Variants in HSPA13 observed in about 807,000 individuals in gnomAD.
The protein encoded by HSPA13 is heat shock protein family A (Hsp70) member 13, also known as heat shock 70 kDa protein 13.
In HSPA13, 29 loss-of-function variants were observed where a neutral mutation model predicts 38.8. The ratio of observed to expected loss-of-function variants is 0.75; its 90% CI spans 0.56 to 1.02. The LOEUF (loss-of-function observed/expected upper bound fraction) is 1.02. HSPA13 is among the 50% of genes least tolerant of loss of function. The pLI is 0.00. For synonymous variants in HSPA13, 192 were observed against 205.3 expected (o/e 0.94, Z 0.56); for missense variants, 451 against 560.9 (o/e 0.80, Z 1.98).
Position 14,373,008 on chromosome 21 carries a change from CAT to C in HSPA13, c.*607_*608del, listed in dbSNP as rs2123520751. Reference sequence around the variant, plus strand: ...ATAAAATAAATTCATCTATTAAACACATAAAACTCCTGGAGAATGCAGATTAC... The same window carrying C: ...ATAAAATAAATTCATCTATTAAACACAAAACTCCTGGAGAATGCAGATTAC... On this transcript the variant is annotated 3_prime_UTR_variant, in exon 5 of 5. Coordinates refer to ENST00000285667, the MANE Select transcript of HSPA13 (RefSeq NM_006948.5). The C allele has an allele frequency of 6.6e-6, 1 of 152,152 alleles. No homozygotes were observed. Among genetic ancestry groups the C allele is most frequent in the East Asian group, 1.9e-4 (1 of 5,198 alleles). 9.4% of individuals were successfully genotyped at this position (152,152 alleles called of 1,614,324 possible). A position where few individuals can be genotyped will look rare whatever the true frequency, so the allele number is the denominator to read the frequency against.
chr21:14,379,587 C>T (rs1195991358), intron 2 of HSPA13, among the ~76,000 whole-genome samples: 2 of 152,098 alleles, frequency 1.3e-5, no homozygotes, highest in Non-Finnish European at 2.9e-5. Context: ...CAATAAGTAA[C>T]GTACCCAAAG....
intron 1 of HSPA13, among the ~76,000 whole-genome samples, chr21:14,382,300 T>C (rs1401252781): frequency 6.6e-6 from 1 of 151,950 alleles, no homozygotes; most frequent in Admixed American, 6.6e-5. Context: ...GAATAGCAGA[T>C]GCCCAACAAA....
In HSPA13 at chr21:14,378,405, T is replaced by G; in HGVS notation, c.374A>C (p.Asn125Thr). Residue 125 changes from asparagine (N) to threonine (T), a missense_variant, in exon 3 of 5, where the codon AAC (asparagine) becomes ACC (threonine). Coordinates refer to ENST00000285667, the MANE Select transcript of HSPA13 (RefSeq NM_006948.5). ...AGAAAACTCAACCATTCCATTTTTG[T>G]TTAAAACCTGTGAATAGGATTTGCA... Reference protein sequence around the residue: ...EIGRYPFKVLNKNGMVEFSVT... With the variant: ...EIGRYPFKVLTKNGMVEFSVT... 1 of 1,612,136 alleles carries G rather than the reference T, an allele frequency of 6.2e-7. No homozygotes were observed.
At position 14,376,436 on chromosome 21, in the gene HSPA13, T is replaced by A. The variant is rs537302949; in HGVS notation, c.581-617A>T. Among the ~76,000 whole-genome samples the A allele has an allele frequency of 2.6e-5, 4 of 152,116 alleles. No individual in the cohort carries two copies. In the South Asian group the frequency reaches 8.3e-4, roughly 32 times the overall value. On this transcript the variant is annotated intron_variant, in intron 3 of 4. Coordinates refer to ENST00000285667, the MANE Select transcript of HSPA13 (RefSeq NM_006948.5). The stretch of plus-strand genomic sequence containing the variant: ...TCAAAAAATAAAAAAAAATAAAAAA[T>A]TTAATCATTATATACTATCACTAAG...
At chr21:14,375,465 T>C (rs1568722021) in intron 4 of HSPA13, among the ~76,000 whole-genome samples, 187 bp downstream of exon 4, 1 of 151,492 alleles carries the variant, frequency 6.6e-6, no homozygotes, top group Non-Finnish European at 1.5e-5. Flanking sequence ...CCCAAACCTC[T>C]TCAACTCTCC....
At chr21:14,382,318 T>C (rs1269147667) in intron 1 of HSPA13, among the ~76,000 whole-genome samples, 2 of 151,496 alleles carry the variant, frequency 1.3e-5, no homozygotes, top group African/African-American at 4.9e-5. Flanking sequence ...AAATACTAAT[T>C]TAAAAAAAAA....
intron 3 of HSPA13, among the ~76,000 whole-genome samples, chr21:14,376,759 T>C (rs1489568199): frequency 6.6e-6 from 1 of 152,240 alleles, no homozygotes; most frequent in Admixed American, 6.5e-5. Context: ...CCATCTCTTC[T>C]TCCTACAACA....
chr21:14,383,028 T>C (rs7281846), intron 1 of HSPA13, 67 bp downstream of exon 1: 1,020,900 of 1,570,312 alleles, frequency 0.65, 336,190 homozygotes, highest in Middle Eastern at 0.71. Context: ...CAACCACCCC[T>C]GCCCACTCTG....
chr21:14,378,196 TAC>T lies in HSPA13; in HGVS notation c.580+1_580+2del. On this transcript the variant is annotated splice_donor_variant, in intron 3 of 4. Transcript: ENST00000285667. LOFTEE classifies it high-confidence loss of function. ...AATGCATCTCAGTCAAGGGTACTGT[TAC>T]CTGCAAGGTTAGCAGCTTCAATTGT... 1 of 1,611,370 alleles carries T rather than the reference TAC, an allele frequency of 6.2e-7. No homozygotes were observed. The highest frequency in any genetic ancestry group is 8.5e-7 in the Non-Finnish European group (1 of 1,177,496).
At position 14,381,489 on chromosome 21, in the gene HSPA13, G is replaced by C; in HGVS notation, c.80C>G (p.Pro27Arg). The C allele has an allele frequency of 1.9e-6, 3 of 1,612,090 alleles. No homozygotes were observed. The highest frequency in any genetic ancestry group is 8.5e-7 in the Non-Finnish European group (1 of 1,178,292). ...LAGYLAQQYL[P>R]LPTPKVIGID... ...ACCAATCACTTTAGGAGTAGGCAAT[G>C]GTAAATACTGTTGTGCCAAATAGCC... The change falls in exon 2 of 5, where the codon CCA (proline) becomes CGA (arginine). Residue 27 changes from proline to arginine, a missense_variant. Physicochemically the swap from Pro to Arg is moderately radical, Grantham distance 103. Coordinates refer to ENST00000285667, the MANE Select transcript of HSPA13 (RefSeq NM_006948.5).
rs1982861627 is a variant in HSPA13, at chr21:14,372,990, A to G, written c.*627T>C. 1 of 152,236 alleles carries G rather than the reference A, an allele frequency of 6.6e-6. No homozygotes were observed. Among genetic ancestry groups the G allele is most frequent in the Non-Finnish European group, 1.5e-5 (1 of 68,036 alleles). 9.4% of individuals were successfully genotyped at this position (152,236 alleles called of 1,614,324 possible). A position where few individuals can be genotyped will look rare whatever the true frequency, so the allele number is the denominator to read the frequency against. On this transcript the variant is annotated 3_prime_UTR_variant, in exon 5 of 5. Transcript: ENST00000285667. ...ATTTGAATACCTTTAGAAATAAAAT[A>G]AATTCATCTATTAAACACATAAAAC...
rs190098331 is a variant in HSPA13, at chr21:14,375,128, G to A, written c.748+524C>T. ...CATTTCCTAGGGAAAAATACAATTA[G>A]ACTTTCTAAAGACATCTACTTTATA... On this transcript the variant is annotated intron_variant, in intron 4 of 4. Coordinates refer to ENST00000285667, the MANE Select transcript of HSPA13 (RefSeq NM_006948.5). Among the ~76,000 whole-genome samples the A allele has an allele frequency of 3.9e-4, 59 of 152,228 alleles. 1 individual carries two copies. The highest frequency in any genetic ancestry group is 3.1e-3 in the Admixed American group (48 of 15,296).
intron 3 of HSPA13, 145 bp from the exon 4 acceptor site, chr21:14,375,964 GA>G (rs1984009971): frequency 1.7e-6 from 1 of 580,576 alleles, no homozygotes; most frequent in East Asian, 2.8e-5. Context: ...ACAGAAGCAT[GA>G]AATGGGAACA....
At chr21:14,376,329 C>T (rs997450791) in intron 3 of HSPA13, among the ~76,000 whole-genome samples, 2 of 152,096 alleles carry the variant, frequency 1.3e-5, no homozygotes, top group Admixed American at 6.5e-5. Context: ...GGGAGAATGG[C>T]GTGAACCCGG....
chr21:14,381,241 C>A lies in HSPA13; in HGVS notation c.328G>T (p.Glu110Ter). The change falls in exon 2 of 5, where the codon GAA (glutamate) becomes TAA (stop). Residue 110 changes from glutamate to a stop codon, truncating the protein, a stop_gained. Coordinates refer to ENST00000285667, the MANE Select transcript of HSPA13 (RefSeq NM_006948.5). LOFTEE classifies it high-confidence loss of function. The stretch of plus-strand genomic sequence containing the variant: ...CTGCCAATTTCAGCCTCCAACTCTT[C>A]TGCGGTAAAAATCTTGCCTATGAAT... ...KRFIGKIFTA[E>*]ELEAEIGRYP... 1 of 1,610,328 alleles carries A rather than the reference C, an allele frequency of 6.2e-7. No homozygotes were observed. Among genetic ancestry groups the A allele is most frequent in the Non-Finnish European group, 8.5e-7 (1 of 1,177,756 alleles).
At chr21:14,382,499 T>G (rs1374402547) in intron 1 of HSPA13, among the ~76,000 whole-genome samples, 6 of 152,184 alleles carry the variant, frequency 3.9e-5, no homozygotes, top group African/African-American at 1.4e-4. Flanking sequence ...TCTGTGTTAC[T>G]AATTGTTAGC....
intron 3 of HSPA13, among the ~76,000 whole-genome samples, chr21:14,377,240 G>A (rs764521061): frequency 2.6e-5 from 4 of 152,158 alleles, no homozygotes; most frequent in Non-Finnish European, 5.9e-5. Context: ...TAAGTTCCAT[G>A]AGAACAAAGA....
intron 2 of HSPA13, among the ~76,000 whole-genome samples, chr21:14,379,477 A>G (rs1268377755): frequency 6.6e-6 from 1 of 152,216 alleles, no homozygotes; most frequent in Non-Finnish European, 1.5e-5. Context: ...GGACAATATT[A>G]AACTAAGATA....
chr21:14,375,161 T>C (rs1172400365), intron 4 of HSPA13, among the ~76,000 whole-genome samples: 1 of 152,230 alleles, frequency 6.6e-6, no homozygotes, highest in African/African-American at 2.4e-5. Context: ...ATAAAACATA[T>C]TAAATGAAAT....
Sources: allele counts gnomAD v4.1 joint callset (sites outside exome capture counted in the v4.1 genomes callset), GRCh38; gene constraint gnomAD v4.1.1; transcripts MANE v1.5; gene names NCBI Gene and HGNC (gene_info 2026-07-23, HGNC 2026-07-21).